Variants in CHN1 observed in about 807,000 individuals in gnomAD.
CHN1 encodes N-chimaerin.
Under a neutral mutation model 59.5 loss-of-function variants are expected in CHN1, and 37 were observed. The ratio of observed to expected loss-of-function variants is 0.62; its 90% CI spans 0.48 to 0.82. The LOEUF (loss-of-function observed/expected upper bound fraction) is 0.82. Ranked by LOEUF, CHN1 falls within the 40% of genes least tolerant of loss-of-function variation. CHN1 has a pLI of 0.00. For missense variants in CHN1, 469 were observed against 571.0 expected (o/e 0.82, Z 1.82); for synonymous variants, 206 against 200.4 (o/e 1.03, Z -0.24).
At chr2:174,846,370 A>G in intron 7 of CHN1, 1 of 1,549,000 alleles carries the variant, frequency 6.5e-7, no homozygotes, top group Non-Finnish European at 8.7e-7. Context: ...CAGCAGCATC[A>G]ACAGTCCCAT....
intron 1 of CHN1, among the ~76,000 whole-genome samples, chr2:174,989,782 C>G (rs1339422801): frequency 6.6e-6 from 1 of 151,420 alleles, no homozygotes; most frequent in Non-Finnish European, 1.5e-5. Flanking sequence ...ACAGTGAAAC[C>G]CTGTCTCAAA....
At chr2:174,916,668 G>A (rs1688857192) in intron 4 of CHN1, among the ~76,000 whole-genome samples, 1 of 152,130 alleles carries the variant, frequency 6.6e-6, no homozygotes, top group African/African-American at 2.4e-5. Context: ...ACAGTTCACA[G>A]TAGGCATGTT....
chr2:174,876,031 C>T (rs561237066), intron 6 of CHN1, among the ~76,000 whole-genome samples: 3 of 152,336 alleles, frequency 2.0e-5, no homozygotes, highest in Admixed American at 1.3e-4. Flanking sequence ...GTAGCTATCG[C>T]TGTCCACCAG....
At chr2:174,904,137 C>T (rs1383263516) in intron 5 of CHN1, among the ~76,000 whole-genome samples, 1 of 151,760 alleles carries the variant, frequency 6.6e-6, no homozygotes, top group Non-Finnish European at 1.5e-5. Context: ...GTGGTGCATG[C>T]CTGTAGTCCC....
chr2:175,005,231 G>A lies in CHN1; in HGVS notation c.-319C>T, dbSNP rs1419199099. 8.4e-7 allele frequency: 1 copy of A among 1,191,350 alleles called. No homozygotes were observed. Among genetic ancestry groups the A allele is most frequent in the Non-Finnish European group, 1.0e-6 (1 of 959,676 alleles). The allele number at this position is 1,191,350 out of a possible 1,614,324, so 73.8% of individuals were successfully genotyped here. A position where few individuals can be genotyped will look rare whatever the true frequency, so the allele number is the denominator to read the frequency against. ...CTGCGAGGCAGGAGGCTTGGCCGCGGCGCAGTGGCTGGCGGAGAGGCGGCG... is the reference window on the plus strand; with the variant it reads ...CTGCGAGGCAGGAGGCTTGGCCGCGACGCAGTGGCTGGCGGAGAGGCGGCG... On this transcript the variant is annotated 5_prime_UTR_variant, in exon 1 of 13. Transcript: ENST00000409900.
intron 6 of CHN1, among the ~76,000 whole-genome samples, chr2:174,852,094 T>C (rs921133091): frequency 2.7e-5 from 4 of 150,696 alleles, no homozygotes. Context: ...CTGGCCAACA[T>C]GATGAAACCC....
intron 8 of CHN1, among the ~76,000 whole-genome samples, chr2:174,815,254 G>C (rs1375334052): frequency 6.6e-6 from 1 of 152,066 alleles, no homozygotes; most frequent in Non-Finnish European, 1.5e-5. Flanking sequence ...GTGTGCGCCT[G>C]TAGTTCCAGC....
chr2:174,889,906 CGT>C (rs1158059926), intron 5 of CHN1, among the ~76,000 whole-genome samples: 1 of 150,186 alleles, frequency 6.7e-6, no homozygotes, highest in Non-Finnish European at 1.5e-5. Context: ...TGTGTGCACG[CGT>C]GTGTGTATGT....
intron 6 of CHN1, among the ~76,000 whole-genome samples, chr2:174,850,933 AT>A (rs1210571609): frequency 6.6e-6 from 1 of 152,168 alleles, no homozygotes; most frequent in Non-Finnish European, 1.5e-5. Context: ...CCTGGGAAGC[AT>A]GTTGCATAAT....
intron 5 of CHN1, among the ~76,000 whole-genome samples, chr2:174,888,566 C>A (rs1484984060): frequency 6.6e-6 from 1 of 152,084 alleles, no homozygotes; most frequent in East Asian, 1.9e-4. Flanking sequence ...AATCAAAATA[C>A]CTTTAAGAGA....
At chr2:174,823,271 T>C (rs1245467397) in intron 8 of CHN1, among the ~76,000 whole-genome samples, 1 of 152,212 alleles carries the variant, frequency 6.6e-6, no homozygotes, top group Non-Finnish European at 1.5e-5. Context: ...TAAGAAGATA[T>C]TTTTTAGTTT....
At chr2:174,909,871 T>G (rs892250328) in intron 5 of CHN1, among the ~76,000 whole-genome samples, 1 of 152,178 alleles carries the variant, frequency 6.6e-6, no homozygotes. Flanking sequence ...ATAACAGAAT[T>G]TTAAAGGGTC....
chr2:174,888,479 C>T (rs1486437868), intron 5 of CHN1, among the ~76,000 whole-genome samples: 1 of 152,072 alleles, frequency 6.6e-6, no homozygotes, highest in East Asian at 1.9e-4. Context: ...GAAGAAAGGG[C>T]AATATGGGGT....
At position 175,005,142 on chromosome 2, in the gene CHN1, G is replaced by A. The variant is rs1692024789; in HGVS notation, c.-230C>T. ...GCACCGGGCCCAGGGAGCCCCGCTAGCTCTCCGCGAGCCGGCACTTGTCGC... is the reference window on the plus strand; with the variant it reads ...GCACCGGGCCCAGGGAGCCCCGCTAACTCTCCGCGAGCCGGCACTTGTCGC... On this transcript the variant is annotated 5_prime_UTR_variant, in exon 1 of 13. Coordinates refer to ENST00000409900, the MANE Select transcript of CHN1 (RefSeq NM_001822.7). 5 of 1,295,930 alleles carry A rather than the reference G, an allele frequency of 3.9e-6. No individual in the cohort carries two copies. Among genetic ancestry groups the A allele is most frequent in the East Asian group, 6.7e-5 (2 of 29,700 alleles). 80.3% of individuals were successfully genotyped at this position (1,295,930 alleles called of 1,614,324 possible). A position where few individuals can be genotyped will look rare whatever the true frequency, so the allele number is the denominator to read the frequency against.
intron 6 of CHN1, among the ~76,000 whole-genome samples, chr2:174,876,756 G>T (rs1307882994): frequency 6.6e-6 from 1 of 152,072 alleles, no homozygotes; most frequent in African/African-American, 2.4e-5. Context: ...GCTGCCTTGA[G>T]GTCAGATGGC....
intron 6 of CHN1, among the ~76,000 whole-genome samples, chr2:174,858,585 T>G (rs1686975185): frequency 6.6e-6 from 1 of 152,168 alleles, no homozygotes; most frequent in Non-Finnish European, 1.5e-5. Context: ...GTTTGAAAAG[T>G]AAAAGTAGCT....
At chr2:174,847,893 C>T (rs1050789471) in intron 6 of CHN1, 2 of 399,008 alleles carry the variant, frequency 5.0e-6, no homozygotes, top group African/African-American at 2.2e-5. Flanking sequence ...AATTAACATA[C>T]ATACAGCACT....
chr2:174,854,984 T>A (rs1470452858), intron 6 of CHN1, among the ~76,000 whole-genome samples: 2 of 152,146 alleles, frequency 1.3e-5, no homozygotes, highest in Non-Finnish European at 2.9e-5. Context: ...ACATCCATGC[T>A]CATACTCAGT....
chr2:174,869,164 T>G lies in CHN1; in HGVS notation c.549+8676A>C, dbSNP rs1343718035. On this transcript the variant is annotated intron_variant, in intron 6 of 12. Coordinates refer to ENST00000409900, the MANE Select transcript of CHN1 (RefSeq NM_001822.7). ...TGCACCCAGGAATCCTCCCTTGTTG[T>G]GTACTCAAATTTACTGAAGCATTTA... Among the ~76,000 whole-genome samples, 4 of 152,202 alleles carry G rather than the reference T, an allele frequency of 2.6e-5. No homozygotes were observed. The East Asian group carries it at 7.7e-4, about 29-fold the overall frequency.
Sources: gnomAD v4.1 joint callset for allele counts (sites outside exome capture counted in the v4.1 genomes callset) on GRCh38, gnomAD v4.1.1 for gene constraint, MANE v1.5 for transcripts, NCBI Gene and HGNC (gene_info 2026-07-23, HGNC 2026-07-21) for gene names.